Variants in LIFR observed in about 807,000 individuals in gnomAD.
The protein encoded by LIFR is LIF receptor subunit alpha, also known as leukemia inhibitory factor receptor.
A neutral mutation model predicts 122.2 loss-of-function variants in LIFR; 84 were observed. That is an observed-to-expected ratio of 0.69 (90% confidence interval 0.58 to 0.82). The LOEUF is 0.82. Ranked by LOEUF, LIFR falls within the 40% of genes least tolerant of loss-of-function variation. The pLI, the probability that LIFR is intolerant of heterozygous loss-of-function variation, is 0.00. For synonymous variants in LIFR, 422 were observed against 434.7 expected (o/e 0.97, Z 0.36); for missense variants, 1,294 against 1,311.6 (o/e 0.99, Z 0.21).
chr5:38,580,639 A>G (rs10040852), intron 1 of LIFR, among the ~76,000 whole-genome samples: 73,163 of 151,918 alleles, frequency 0.48, 17,959 homozygotes, highest in Middle Eastern at 0.55. Context: ...ATCTCCACCT[A>G]ACCTCACATC....
chr5:38,499,531 A>T lies in LIFR; in HGVS notation c.1653T>A (p.Asn551Lys), dbSNP rs150541605. Reference protein sequence around the residue: ...TWREWSSDGKNLIIYWKPLPI... With the variant: ...TWREWSSDGKKLIIYWKPLPI... ...TATTTACCTTCCAATAGATTATTAAATTTTTTCCATCAGAACTCCACTCTC... is the reference window on the plus strand; with the variant it reads ...TATTTACCTTCCAATAGATTATTAATTTTTTTCCATCAGAACTCCACTCTC... Residue 551 changes from asparagine (N) to lysine (K), a missense_variant, in exon 12 of 20, where the codon AAT (asparagine) becomes AAA (lysine). Asn to Lys is a moderately conservative substitution (Grantham distance 94). Transcript: ENST00000453190. The T allele has an allele frequency of 2.6e-5, 42 of 1,605,060 alleles. No individual in the cohort carries two copies. The highest frequency in any genetic ancestry group is 1.4e-4 in the South Asian group (13 of 90,882).
chr5:38,602,917 A>C (rs183415344), intron 2 of LIFR, among the ~76,000 whole-genome samples: 1 of 152,196 alleles, frequency 6.6e-6, no homozygotes, highest in Non-Finnish European at 1.5e-5. Context: ...ATACGCATTA[A>C]AAGACAAAAT....
chr5:38,510,163 T>C (rs1408380506), intron 7 of LIFR, among the ~76,000 whole-genome samples: 6 of 152,228 alleles, frequency 3.9e-5, no homozygotes. Flanking sequence ...AAATATTATA[T>C]CCTATCCTTA....
chr5:38,592,945 CTG>C (rs1749976607), intron 1 of LIFR, among the ~76,000 whole-genome samples: 1 of 152,190 alleles, frequency 6.6e-6, no homozygotes, highest in Admixed American at 6.5e-5. Flanking sequence ...TGGCTCACGC[CTG>C]TAATCCCAGC....
chr5:38,498,931 C>A (rs2112441444), intron 12 of LIFR, among the ~76,000 whole-genome samples: 1 of 152,186 alleles, frequency 6.6e-6, no homozygotes, highest in East Asian at 1.9e-4. Flanking sequence ...TTAAAGGAAT[C>A]CTATTATGAC....
chr5:38,533,198 A>C, intron 1 of LIFR, among the ~76,000 whole-genome samples: 1 of 152,266 alleles, frequency 6.6e-6, no homozygotes, highest in African/African-American at 2.4e-5. Flanking sequence ...GCTCATGGGC[A>C]GTATCCTTCC....
Position 38,510,665 on chromosome 5 carries a change from C to G in LIFR, c.790G>C (p.Gly264Arg), listed in dbSNP as rs1745751368. The change falls in exon 7 of 20, where the codon GGC (glycine) becomes CGC (arginine). Residue 264 changes from glycine to arginine, a missense_variant. Transcript: ENST00000453190. ...VFPQDKVILV[G>R]SDITFCCVSQ... is the part of the protein sequence containing the mutation. ...ACACAACAAAATGTTATGTCTGAGC[C>G]TACAAGTATCACTTTATCTTGAGGA... The G allele has an allele frequency of 6.2e-7, 1 of 1,613,536 alleles. No homozygotes were observed. The highest frequency in any genetic ancestry group is 8.5e-7 in the Non-Finnish European group (1 of 1,179,696).
intron 13 of LIFR, 42 bp from the exon 14 acceptor site, chr5:38,493,827 A>G (rs879212342): frequency 1.3e-6 from 2 of 1,511,196 alleles, no homozygotes; most frequent in South Asian, 2.3e-5. Flanking sequence ...ATTAAAAACA[A>G]TAATATAAGG....
At chr5:38,598,263 T>C (rs966553420), upstream of LIFR, among the ~76,000 whole-genome samples, 1 of 115,400 alleles carries the variant, frequency 8.7e-6, no homozygotes, top group Non-Finnish European at 1.7e-5. Flanking sequence ...TTTTTTTCTT[T>C]TTAGAGGGAG....
In LIFR at chr5:38,477,346, T is replaced by C. The variant is rs746397347; in HGVS notation, c.*4249A>G. 18 of 215,472 alleles carry C rather than the reference T, an allele frequency of 8.4e-5. No homozygotes were observed. Among genetic ancestry groups the C allele is most frequent in the Admixed American group, 6.4e-4 (11 of 17,194 alleles). The allele number at this position is 215,472 out of a possible 1,614,324, so 13.3% of individuals were successfully genotyped here. A position where few individuals can be genotyped will look rare whatever the true frequency, so the allele number is the denominator to read the frequency against. ...TTTGGCCATAAATCATTTTCTTCTA[T>C]GAAAATTTTCTTCTAGAATAAATAA... On this transcript the variant is annotated 3_prime_UTR_variant, in exon 20 of 20. Transcript: ENST00000453190.
intron 16 of LIFR, among the ~76,000 whole-genome samples, chr5:38,486,775 CAGATAA>C (rs1172547842): frequency 2.6e-5 from 4 of 152,214 alleles, no homozygotes; most frequent in Admixed American, 1.3e-4. Flanking sequence ...TTTATAAGGG[CAGATAA>C]AGATAGAGCT....
chr5:38,539,560 G>A (rs1349698647), intron 1 of LIFR, among the ~76,000 whole-genome samples: 1 of 152,072 alleles, frequency 6.6e-6, no homozygotes, highest in Non-Finnish European at 1.5e-5. Flanking sequence ...TCAGTTATTT[G>A]TCTACATTCT....
intron 14 of LIFR, 144 bp downstream of exon 14, chr5:38,493,462 C>A (rs1331944770): frequency 2.7e-6 from 2 of 730,452 alleles, no homozygotes; most frequent in African/African-American, 1.7e-5. Context: ...CTTCCATGTG[C>A]TGCCACAACT....
intron 9 of LIFR, among the ~76,000 whole-genome samples, chr5:38,504,826 G>A (rs1301743900): frequency 6.6e-6 from 1 of 152,144 alleles, no homozygotes; most frequent in East Asian, 1.9e-4. Flanking sequence ...TCGCAAAGAC[G>A]ACAGGAAAGA....
At chr5:38,509,171 A>G (rs558794845) in intron 7 of LIFR, among the ~76,000 whole-genome samples, 1 of 152,284 alleles carries the variant, frequency 6.6e-6, no homozygotes, top group Non-Finnish European at 1.5e-5. Flanking sequence ...GCACAGTCTC[A>G]TTTTTTAAGT....
chr5:38,539,416 C>T (rs1270723831), intron 1 of LIFR, among the ~76,000 whole-genome samples: 2 of 152,106 alleles, frequency 1.3e-5, no homozygotes, highest in African/African-American at 4.8e-5. Context: ...AAGCTAAGAT[C>T]AGAGCCTTAT....
In LIFR at chr5:38,528,803, C is replaced by A; in HGVS notation, c.180G>T (p.Leu60Phe). The A allele has an allele frequency of 2.5e-6, 4 of 1,586,562 alleles. No individual in the cohort carries two copies. Among genetic ancestry groups the A allele is most frequent in the Non-Finnish European group, 3.4e-6 (4 of 1,164,270 alleles). ...PHDLKCVTNNLQVWNCSWKAP... is the reference protein window; with the variant it reads ...PHDLKCVTNNFQVWNCSWKAP... ...CTTTCCAAGAACAGTTCCACACTTG[C>A]AAATTGTTAGTTACACACTTCAAAT... Residue 60 changes from leucine to phenylalanine, a missense_variant, in exon 3 of 20, where the codon TTG becomes TTT. Leu to Phe is a conservative substitution (Grantham distance 22, BLOSUM62 0). Transcript: ENST00000453190.
At chr5:38,499,449 C>T (rs1745059948) in intron 12 of LIFR, 64 bp downstream of exon 12, 1 of 1,097,048 alleles carries the variant, frequency 9.1e-7, no homozygotes, top group African/African-American at 1.5e-5. Context: ...AACCCAAGTA[C>T]CATGCGTAAG....
intron 5 of LIFR, among the ~76,000 whole-genome samples, chr5:38,513,746 C>T (rs953632406): frequency 2.0e-5 from 3 of 152,138 alleles, no homozygotes; most frequent in African/African-American, 7.2e-5. Context: ...CCATCCTCAT[C>T]ACTCTAGAGG....
Sources: gnomAD v4.1 joint callset for allele counts (sites outside exome capture counted in the v4.1 genomes callset) on GRCh38, gnomAD v4.1.1 for gene constraint, MANE v1.5 for transcripts, NCBI Gene and HGNC (gene_info 2026-07-23, HGNC 2026-07-21) for gene names.